Variants in CNTN3 observed in about 807,000 individuals in gnomAD.
CNTN3 encodes the protein contactin 3.
Under a neutral mutation model 119.1 loss-of-function variants are expected in CNTN3, and 60 were observed. That is an observed-to-expected ratio of 0.50 (90% CI 0.41 to 0.62). The LOEUF (loss-of-function observed/expected upper bound fraction) is 0.62, where lower values mean the gene tolerates loss of function less well. Among genes scored for constraint, CNTN3 ranks in the 20% least tolerant of loss-of-function variants. The pLI is 0.00. For synonymous variants in CNTN3, 450 were observed against 438.7 expected, an observed-to-expected ratio of 1.03 and a Z score of -0.32; for missense variants, 1,101 against 1,242.4, an observed-to-expected ratio of 0.89 and a Z score of 1.71.
In CNTN3 at chr3:74,365,552, C is replaced by T; in HGVS notation, c.1083+14G>A. On this transcript the variant is annotated intron_variant, in intron 9 of 22. Coordinates refer to ENST00000263665, the MANE Select transcript of CNTN3 (RefSeq NM_020872.3). The stretch of plus-strand genomic sequence containing the variant: ...CCAGGCCTCTAAACCCATTTTAGGT[C>T]CATGTTACCTTACCTCTAGCACCAG... The T allele has an allele frequency of 6.2e-7, 1 of 1,613,046 alleles. No individual in the cohort carries two copies. The highest frequency in any genetic ancestry group is 1.3e-5 in the African/African-American group (1 of 74,952).
intron 2 of CNTN3, among the ~76,000 whole-genome samples, chr3:74,514,840 G>A (rs1703424869): frequency 6.6e-6 from 1 of 152,062 alleles, no homozygotes; most frequent in Non-Finnish European, 1.5e-5. Flanking sequence ...AAAATAAATT[G>A]TTTTACATAC....
intron 4 of CNTN3, among the ~76,000 whole-genome samples, chr3:74,461,423 T>G (rs565806894): frequency 2.0e-5 from 3 of 152,066 alleles, no homozygotes; most frequent in Non-Finnish European, 4.4e-5. Flanking sequence ...TTCTATCCCC[T>G]AAATTGGTAA....
At chr3:74,420,255 T>A (rs1701595487) in intron 5 of CNTN3, among the ~76,000 whole-genome samples, 1 of 152,230 alleles carries the variant, frequency 6.6e-6, no homozygotes, top group Non-Finnish European at 1.5e-5. Context: ...TTTTTATTAT[T>A]ATAGTATCAA....
At chr3:74,326,235 A>C (rs188759236) in intron 13 of CNTN3, among the ~76,000 whole-genome samples, 2 of 152,122 alleles carry the variant, frequency 1.3e-5, no homozygotes, top group African/African-American at 4.8e-5. Flanking sequence ...TATTAACATG[A>C]ATTTATCTAT....
At chr3:74,297,596 G>C (rs1702366761) in intron 18 of CNTN3, among the ~76,000 whole-genome samples, 1 of 152,170 alleles carries the variant, frequency 6.6e-6, no homozygotes, top group Non-Finnish European at 1.5e-5. Flanking sequence ...AGGCGAACAT[G>C]GAGTAGCTAC....
chr3:74,303,766 T>C (rs1380641038), intron 13 of CNTN3, among the ~76,000 whole-genome samples: 1 of 152,216 alleles, frequency 6.6e-6, no homozygotes, highest in Non-Finnish European at 1.5e-5. Context: ...CAAGAGCTAA[T>C]TAACAGAGCA....
At chr3:74,586,864 T>G (rs1348816163) in intron 1 of CNTN3, among the ~76,000 whole-genome samples, 2 of 152,044 alleles carry the variant, frequency 1.3e-5, no homozygotes, top group Non-Finnish European at 2.9e-5. Flanking sequence ...ATATTAAATG[T>G]CTTTTCTCAA....
chr3:74,283,941 G>T (rs1040602592), intron 20 of CNTN3, among the ~76,000 whole-genome samples: 2 of 151,920 alleles, frequency 1.3e-5, no homozygotes, highest in Admixed American at 1.3e-4. Flanking sequence ...TACATTAGTC[G>T]GTTGCTTACA....
Position 74,573,395 on chromosome 3 carries a change from TGAATTAG to T in CNTN3, c.-81+40989_-81+40995del, listed in dbSNP as rs780692571. Among the ~76,000 whole-genome samples the T allele has an allele frequency of 5.9e-5, 9 of 152,212 alleles. No homozygotes were observed. In the East Asian group the frequency reaches 1.7e-3, roughly 29 times the overall value. On this transcript the variant is annotated intron_variant, in intron 1 of 22. Coordinates refer to ENST00000263665, the MANE Select transcript of CNTN3 (RefSeq NM_020872.3). The stretch of plus-strand genomic sequence containing the variant: ...ACATAGGTATAAATCTTTGTGACTT[TGAATTAG>T]GAAATGGTTTCTCAGATATGATACC...
At chr3:74,461,941 C>G (rs991477803) in intron 4 of CNTN3, among the ~76,000 whole-genome samples, 1 of 152,102 alleles carries the variant, frequency 6.6e-6, no homozygotes. Context: ...TGTGTCCCCA[C>G]CCAAATCTCA....
At chr3:74,451,378 A>G (rs1218281038) in intron 4 of CNTN3, among the ~76,000 whole-genome samples, 2 of 151,730 alleles carry the variant, frequency 1.3e-5, no homozygotes, top group African/African-American at 2.4e-5. Context: ...TTTTTCTTGT[A>G]AATTTGTTTC....
intron 5 of CNTN3, among the ~76,000 whole-genome samples, chr3:74,376,621 T>C (rs2106801371): frequency 6.6e-6 from 1 of 152,236 alleles, no homozygotes. Context: ...TATATTACAA[T>C]GTAATAATAA....
chr3:74,428,767 C>T (rs1201686187), intron 4 of CNTN3, among the ~76,000 whole-genome samples: 2 of 152,184 alleles, frequency 1.3e-5, no homozygotes. Flanking sequence ...ACCGCTCACT[C>T]ACCAGTTCAC....
chr3:74,333,555 A>G (rs1189637844), intron 13 of CNTN3, among the ~76,000 whole-genome samples: 3 of 152,152 alleles, frequency 2.0e-5, no homozygotes, highest in Non-Finnish European at 2.9e-5. Flanking sequence ...CTATGTCCAA[A>G]TGGCCTTCTT....
intron 1 of CNTN3, among the ~76,000 whole-genome samples, chr3:74,590,095 A>G: frequency 6.6e-6 from 1 of 151,936 alleles, no homozygotes; most frequent in Non-Finnish European, 1.5e-5. Context: ...GTACCCTAAA[A>G]CTTAAAGTAT....
intron 3 of CNTN3, among the ~76,000 whole-genome samples, chr3:74,488,060 A>G (rs1457519402): frequency 6.7e-6 from 1 of 150,266 alleles, no homozygotes; most frequent in South Asian, 2.1e-4. Context: ...AATATTACAT[A>G]ATTATTAATT....
intron 13 of CNTN3, among the ~76,000 whole-genome samples, chr3:74,330,600 ACTT>A (rs1448671308): frequency 1.3e-5 from 2 of 152,152 alleles, no homozygotes; most frequent in African/African-American, 2.4e-5. Flanking sequence ...TTTATAGTGT[ACTT>A]CTTCTACAAA....
intron 11 of CNTN3, among the ~76,000 whole-genome samples, chr3:74,357,762 C>T (rs1340403249): frequency 6.6e-6 from 1 of 151,924 alleles, no homozygotes; most frequent in East Asian, 1.9e-4. Flanking sequence ...CCGACAAGTC[C>T]AAATTAACCA....
rs768827904 is a variant in CNTN3, at chr3:74,486,438, A to G, written c.358+18T>C. ...TTTTCTAATGTTGGATTTGCTAGAC[A>G]TGTGAACATAAACTTACAGGCAAAC... On this transcript the variant is annotated intron_variant, in intron 4 of 22. Transcript: ENST00000263665. 6 of 1,574,126 alleles carry G rather than the reference A, an allele frequency of 3.8e-6. No individual in the cohort carries two copies. The highest frequency in any genetic ancestry group is 4.3e-6 in the Non-Finnish European group (5 of 1,168,358).
Sources: gnomAD v4.1 joint callset for allele counts (sites outside exome capture counted in the v4.1 genomes callset) on GRCh38, gnomAD v4.1.1 for gene constraint, MANE v1.5 for transcripts, NCBI Gene and HGNC (gene_info 2026-07-23, HGNC 2026-07-21) for gene names.